TACC1: variants seen among roughly 807,000 people sequenced by gnomAD.
TACC1 encodes transforming acidic coiled-coil-containing protein 1.
In TACC1, 48 loss-of-function variants were observed where a neutral mutation model predicts 84.4. That is an observed-to-expected ratio of 0.57 (90% CI 0.45 to 0.72). The LOEUF is 0.72. Ranked by LOEUF, TACC1 falls within the 30% of genes least tolerant of loss-of-function variation. The pLI is 0.00. For missense variants in TACC1, 920 were observed against 973.0 expected (o/e 0.95, Z 0.72); for synonymous variants, 372 against 376.3 (o/e 0.99, Z 0.13).
upstream of TACC1, chr8:38,785,679 C>G: frequency 3.0e-6 from 3 of 985,392 alleles, no homozygotes; most frequent in Non-Finnish European, 3.6e-6. Context: ...TTCCCAGAAA[C>G]AGAACCCTGT....
At position 38,847,238 on chromosome 8, in the gene TACC1, A is replaced by G. The variant is rs550239548; in HGVS notation, c.2349+419A>G. Reference sequence around the variant, plus strand: ...TAGGTGTTAGGTAATGTCTGGAGATATATTTGTTTGGTTGTCACCACTGGG... The same window carrying G: ...TAGGTGTTAGGTAATGTCTGGAGATGTATTTGTTTGGTTGTCACCACTGGG... On this transcript the variant is annotated intron_variant, in intron 12 of 12. Coordinates refer to ENST00000317827, the MANE Select transcript of TACC1 (RefSeq NM_006283.3). Among the ~76,000 whole-genome samples the G allele has an allele frequency of 2.2e-4, 34 of 152,254 alleles. 1 individual carries two copies. Among genetic ancestry groups the G allele is most frequent in the African/African-American group, 7.9e-4 (33 of 41,528 alleles).
intron 2 of TACC1, chr8:38,799,939 A>C (rs1031299802): frequency 6.6e-6 from 1 of 152,294 alleles, no homozygotes; most frequent in African/African-American, 2.4e-5. Flanking sequence ...AGGCCAAAGC[A>C]GGAGGATTGC....
At chr8:38,805,476 T>A (rs1332281199) in intron 2 of TACC1, 1 of 152,332 alleles carries the variant, frequency 6.6e-6, no homozygotes, top group East Asian at 1.9e-4. Flanking sequence ...GGCCTTGAGG[T>A]GGCAGTCCTA....
chr8:38,794,303 A>AT (rs1819453965), intron 2 of TACC1, among the ~76,000 whole-genome samples: 1 of 152,070 alleles, frequency 6.6e-6, no homozygotes, highest in Non-Finnish European at 1.5e-5. Context: ...ATTTTCTTAA[A>AT]TTTTTTTTAA....
At chr8:38,788,589 T>G in intron 1 of TACC1, 115 bp from the exon 2 acceptor site, 1 of 780,544 alleles carries the variant, frequency 1.3e-6, no homozygotes, top group Non-Finnish European at 2.1e-6. Context: ...GAGGACCGGT[T>G]GGTTGTGAAG....
chr8:38,769,308 TG>T (rs1216472825), intron 3 of TACC1, among the ~76,000 whole-genome samples: 53 of 111,514 alleles, frequency 4.8e-4, no homozygotes, highest in Admixed American at 1.4e-3. Context: ...CTGTGTATGG[TG>T]GGGGGTGTGT....
intron 3 of TACC1, among the ~76,000 whole-genome samples, chr8:38,763,170 A>G (rs922292695): frequency 2.6e-5 from 4 of 151,938 alleles, no homozygotes; most frequent in African/African-American, 9.7e-5. Flanking sequence ...GTTGTTTTAG[A>G]CAAGAGTCTA....
intron 3 of TACC1, among the ~76,000 whole-genome samples, chr8:38,767,028 T>G (rs1358641285): frequency 1.3e-5 from 2 of 151,826 alleles, no homozygotes; most frequent in African/African-American, 4.9e-5. Flanking sequence ...AGAGAAATCC[T>G]GTATTGCATT....
intron 2 of TACC1, among the ~76,000 whole-genome samples, chr8:38,790,320 A>G (rs1587704756): frequency 6.6e-6 from 1 of 152,334 alleles, no homozygotes; most frequent in Non-Finnish European, 1.5e-5. Flanking sequence ...TAACATCTTC[A>G]GAGATACTAT....
intron 11 of TACC1, among the ~76,000 whole-genome samples, chr8:38,843,889 T>C (rs192334081): frequency 1.2e-4 from 19 of 152,328 alleles, no homozygotes; most frequent in Non-Finnish European, 2.5e-4. Flanking sequence ...ACCTGGTAGG[T>C]GATCGTTTTG....
At chr8:38,801,155 T>G (rs889395403) in intron 2 of TACC1, among the ~76,000 whole-genome samples, 1 of 152,252 alleles carries the variant, frequency 6.6e-6, no homozygotes, top group Non-Finnish European at 1.5e-5. Flanking sequence ...TTATTAGATA[T>G]GTGACTAAAT....
At chr8:38,744,227 C>T (rs1221905714) in intron 2 of TACC1, 3 of 152,216 alleles carry the variant, frequency 2.0e-5, no homozygotes, top group Admixed American at 6.5e-5. Flanking sequence ...TCCGCACTCC[C>T]CATTCATGAC....
chr8:38,735,929 C>G (rs187066114), intron 1 of TACC1, among the ~76,000 whole-genome samples: 1 of 152,172 alleles, frequency 6.6e-6, no homozygotes, highest in South Asian at 2.1e-4. Flanking sequence ...CTAATGACCA[C>G]GAACTTGGTA....
At chr8:38,757,355 C>T (rs913617760) in intron 3 of TACC1, 2 of 1,266,476 alleles carry the variant, frequency 1.6e-6, no homozygotes, top group Non-Finnish European at 2.0e-6. Context: ...CACTCTCAGA[C>T]CCCGAGGGGC....
intron 3 of TACC1, among the ~76,000 whole-genome samples, chr8:38,773,050 C>T (rs77070186): frequency 0.016 from 2,508 of 152,112 alleles, 33 homozygotes; most frequent in Non-Finnish European, 0.027. Flanking sequence ...ACACTAGGCC[C>T]GGCGCGGTGG....
chr8:38,765,500 T>C (rs1325026208), intron 3 of TACC1, among the ~76,000 whole-genome samples: 2 of 152,216 alleles, frequency 1.3e-5, no homozygotes, highest in Non-Finnish European at 2.9e-5. Context: ...TGTCCACACA[T>C]GAATATCCAC....
At chr8:38,843,491 T>C (rs985166673) in intron 11 of TACC1, 96 bp downstream of exon 11, 16 of 803,592 alleles carry the variant, frequency 2.0e-5, no homozygotes, top group Non-Finnish European at 2.9e-5. Flanking sequence ...CCAGGTTGTA[T>C]TTTTATGTGT....
intron 3 of TACC1, among the ~76,000 whole-genome samples, chr8:38,780,702 C>T (rs560864338): frequency 4.0e-5 from 6 of 151,372 alleles, no homozygotes; most frequent in East Asian, 3.9e-4. Context: ...ACATTATTGA[C>T]GAATTCTAAG....
intron 6 of TACC1, among the ~76,000 whole-genome samples, chr8:38,832,562 A>T (rs1829470066): frequency 6.6e-6 from 1 of 152,234 alleles, no homozygotes; most frequent in African/African-American, 2.4e-5. Flanking sequence ...TTTTAAGTTT[A>T]TCTGTGTTGC....
Sources: gnomAD v4.1 joint callset for allele counts (sites outside exome capture counted in the v4.1 genomes callset) on GRCh38, gnomAD v4.1.1 for gene constraint, MANE v1.5 for transcripts, NCBI Gene and HGNC (gene_info 2026-07-23, HGNC 2026-07-21) for gene names.